The following CSE1L variants were observed in gnomAD, a reference collection of about 807,000 sequenced individuals.
The protein encoded by CSE1L is chromosome segregation 1 like, also known as exportin-2.
Under a neutral mutation model 120.4 loss-of-function variants are expected in CSE1L, and 24 were observed. The observed-to-expected ratio is 0.20, with a 90% CI of 0.14 to 0.28. CSE1L has a LOEUF of 0.28. CSE1L is among the 10% of genes least tolerant of loss of function. The probability of loss-of-function intolerance (pLI) is 1.00; values close to 1 mark genes in which losing one functional copy is unlikely to be tolerated. For synonymous variants in CSE1L, 402 were observed against 398.3 expected (o/e 1.01, Z -0.11); for missense variants, 830 against 1,145.2 (o/e 0.72, Z 3.97).
chr20:49,096,534 G>T lies in CSE1L; in HGVS notation c.*96G>T. The T allele has an allele frequency of 1.1e-6, 1 of 909,536 alleles. No individual in the cohort carries two copies. Among genetic ancestry groups the T allele is most frequent in the South Asian group, 1.4e-5 (1 of 70,154 alleles). The allele number at this position is 909,536 out of a possible 1,614,324, so 56.3% of individuals were successfully genotyped here. A position where few individuals can be genotyped will look rare whatever the true frequency, so the allele number is the denominator to read the frequency against. On this transcript the variant is annotated 3_prime_UTR_variant, in exon 25 of 25. Coordinates refer to ENST00000262982, the MANE Select transcript of CSE1L (RefSeq NM_001316.4). ...TTAAAACAAAGGAAGTTCTCCTTTT[G>T]AACTTGTCACGAATTCCATCTTGTA...
intron 2 of CSE1L, among the ~76,000 whole-genome samples, chr20:49,059,871 C>T (rs559682745): frequency 2.7e-5 from 4 of 149,816 alleles, no homozygotes; most frequent in East Asian, 2.0e-4. Flanking sequence ...CAGAGCGAGA[C>T]GTAGTCCCAA....
Position 49,084,010 on chromosome 20 carries a change from T to C in CSE1L, c.1483-16T>C. The C allele has an allele frequency of 6.2e-7, 1 of 1,609,326 alleles. No individual in the cohort carries two copies. The highest frequency in any genetic ancestry group is 8.5e-7 in the Non-Finnish European group (1 of 1,175,996). The stretch of plus-strand genomic sequence containing the variant: ...AATCATTGCATTTAGAGCATGTATA[T>C]TATTGTGTTTTTTAGGTGCCAAAAG... On this transcript the variant is annotated splice_polypyrimidine_tract_variant and intron_variant, in intron 14 of 24. Transcript: ENST00000262982.
chr20:49,051,071 A>G (rs554542145), intron 1 of CSE1L, among the ~76,000 whole-genome samples: 5 of 152,356 alleles, frequency 3.3e-5, no homozygotes, highest in African/African-American at 4.8e-5. Flanking sequence ...AGTCCCTACT[A>G]TCAGTGGAGT....
chr20:49,058,869 C>T (rs748931971), intron 2 of CSE1L, among the ~76,000 whole-genome samples: 1 of 152,136 alleles, frequency 6.6e-6, no homozygotes, highest in African/African-American at 2.4e-5. Context: ...CGGTGGCTCA[C>T]ACCTGTAATC....
In CSE1L at chr20:49,062,542, G is replaced by GT. The variant is rs923176727; in HGVS notation, c.86-651dup. On this transcript the variant is annotated intron_variant, in intron 2 of 24. Coordinates refer to ENST00000262982, the MANE Select transcript of CSE1L (RefSeq NM_001316.4). The stretch of plus-strand genomic sequence containing the variant: ...ATTGCTGGTATTAAGAAGTTTTTAG[G>GT]TTTTTTTTTAGTTCGACAAGAAAGC... Among the ~76,000 whole-genome samples the GT allele has an allele frequency of 7.1e-3, 1,072 of 151,132 alleles. 15 individuals are homozygous for GT. The highest frequency in any genetic ancestry group is 0.023 in the African/African-American group (966 of 41,206).
At position 49,094,415 on chromosome 20, in the gene CSE1L, C is replaced by T. The variant is rs571868722; in HGVS notation, c.2594+129C>T. 133 of 901,242 alleles carry T rather than the reference C, an allele frequency of 1.5e-4. 1 individual carries two copies. The South Asian group carries it at 2.0e-3, about 14-fold the overall frequency. 55.8% of individuals were successfully genotyped at this position (901,242 alleles called of 1,614,324 possible). A position where few individuals can be genotyped will look rare whatever the true frequency, so the allele number is the denominator to read the frequency against. ...GATCTCAGCTTCTCCACAATCAGAT[C>T]CAAGACATGATTTCTGGATCCTTCT... On this transcript the variant is annotated intron_variant, in intron 23 of 24. Transcript: ENST00000262982.
intron 22 of CSE1L, among the ~76,000 whole-genome samples, chr20:49,093,634 G>C (rs1469761084): frequency 6.7e-6 from 1 of 148,926 alleles, no homozygotes; most frequent in Non-Finnish European, 1.5e-5. Flanking sequence ...AAAGCAGAGA[G>C]GGCCAGGAAT....
At chr20:49,065,397 A>T (rs1024991976) in intron 3 of CSE1L, among the ~76,000 whole-genome samples, 3 of 119,786 alleles carry the variant, frequency 2.5e-5, no homozygotes, top group Non-Finnish European at 4.8e-5. Context: ...ATCTTGGCTC[A>T]TTGCAGCCTC....
chr20:49,058,617 C>A (rs535966776), intron 2 of CSE1L, 69 bp downstream of exon 2: 131 of 1,158,818 alleles, frequency 1.1e-4, no homozygotes, highest in Admixed American at 2.1e-4. Flanking sequence ...TATGTATTAT[C>A]TGCCTCCTTA....
intron 1 of CSE1L, among the ~76,000 whole-genome samples, chr20:49,051,317 G>A (rs980246734): frequency 2.0e-5 from 3 of 152,200 alleles, no homozygotes; most frequent in Admixed American, 6.5e-5. Flanking sequence ...AGGCTGAGGC[G>A]GCAGATCACC....
intron 8 of CSE1L, among the ~76,000 whole-genome samples, chr20:49,071,005 A>G (rs927265754): frequency 1.1e-4 from 17 of 152,220 alleles, no homozygotes; most frequent in African/African-American, 3.9e-4. Context: ...TGTAATTTGT[A>G]AATATTTCTG....
intron 24 of CSE1L, among the ~76,000 whole-genome samples, chr20:49,095,622 T>A (rs1230889690): frequency 3.3e-5 from 5 of 152,130 alleles, no homozygotes; most frequent in African/African-American, 1.2e-4. Context: ...TATTTTTTTT[T>A]AATTGCAGCA....
intron 1 of CSE1L, among the ~76,000 whole-genome samples, chr20:49,047,572 T>TC (rs1568757315): frequency 2.6e-5 from 2 of 75,600 alleles, no homozygotes; most frequent in Admixed American, 1.3e-4. Flanking sequence ...TTCTTTTTTT[T>TC]TTTTTTTTTT....
rs779281072 is a variant in CSE1L, at chr20:49,075,485, G to C, written c.1300G>C (p.Val434Leu). The C allele has an allele frequency of 2.5e-6, 4 of 1,613,950 alleles. No individual in the cohort carries two copies. Among genetic ancestry groups the C allele is most frequent in the Non-Finnish European group, 3.4e-6 (4 of 1,180,022 alleles). Residue 434 changes from valine (V) to leucine (L), a missense_variant, in exon 12 of 25, where the codon GTG (valine) becomes CTG (leucine). Around this residue, in one of 4 missense-constraint regions of CSE1L, gnomAD observed 543 missense variants for 640.2 expected, o/e 0.85. Transcript: ENST00000262982. ...ACACAAAGATGCAGCCATCTACCTA[G>C]TGACATCTTTGGCATCAAAAGCCCA... ...WKHKDAAIYL[V>L]TSLASKAQTQ...
At chr20:49,058,873 T>A (rs981121147) in intron 2 of CSE1L, among the ~76,000 whole-genome samples, 1 of 152,174 alleles carries the variant, frequency 6.6e-6, no homozygotes, top group African/African-American at 2.4e-5. Flanking sequence ...GGCTCACACC[T>A]GTAATCCCAG....
chr20:49,069,656 A>G (rs1262474414), intron 7 of CSE1L, among the ~76,000 whole-genome samples: 1 of 152,240 alleles, frequency 6.6e-6, no homozygotes, highest in Non-Finnish European at 1.5e-5. Flanking sequence ...TCTTACTTAA[A>G]TGAGTACTAC....
intron 1 of CSE1L, among the ~76,000 whole-genome samples, chr20:49,047,660 T>C (rs1171593089): frequency 7.6e-6 from 1 of 132,162 alleles, no homozygotes; most frequent in African/African-American, 2.8e-5. Context: ...CACTGCAACC[T>C]CCGCCTCCCG....
In CSE1L at chr20:49,072,267, T is replaced by C. The variant is rs1214681534; in HGVS notation, c.769-19T>C. On this transcript the variant is annotated intron_variant, in intron 8 of 24. Transcript: ENST00000262982. Reference sequence around the variant, plus strand: ...GCATTAGAGTTGTATGTTGGAGTTTTTGTTTTCTTTTATGTGAGGATGAAG... The same window carrying C: ...GCATTAGAGTTGTATGTTGGAGTTTCTGTTTTCTTTTATGTGAGGATGAAG... The C allele has an allele frequency of 6.2e-7, 1 of 1,610,600 alleles. No individual in the cohort carries two copies. Among genetic ancestry groups the C allele is most frequent in the South Asian group, 1.1e-5 (1 of 90,840 alleles).
At chr20:49,087,351 C>CTTTTTCTT (rs1269133062) in intron 16 of CSE1L, among the ~76,000 whole-genome samples, 1 of 116,286 alleles carries the variant, frequency 8.6e-6, no homozygotes, top group African/African-American at 3.3e-5. Flanking sequence ...TTTTCTTTTT[C>CTTTTTCTT]TTTTTTTTTT....
Sources: gnomAD v4.1 joint callset for allele counts (sites outside exome capture counted in the v4.1 genomes callset) on GRCh38, gnomAD v4.1.1 for gene constraint, gnomAD v4.1.1 regional missense constraint, MANE v1.5 for transcripts, NCBI Gene and HGNC (gene_info 2026-07-23, HGNC 2026-07-21) for gene names.